Variants in NXN observed in about 807,000 individuals in gnomAD.
NXN encodes the protein nucleoredoxin 1.
Under a neutral mutation model 48.6 loss-of-function variants are expected in NXN, and 16 were observed. The observed-to-expected ratio is 0.33, with a 90% CI of 0.22 to 0.50. The LOEUF is 0.50. Ranked by LOEUF, NXN falls within the 20% of genes least tolerant of loss-of-function variation. NXN has a pLI of 0.98. For missense variants in NXN, 492 were observed against 605.5 expected, an observed-to-expected ratio of 0.81 and a Z score of 1.97; for synonymous variants, 281 against 269.6, an observed-to-expected ratio of 1.04 and a Z score of -0.41.
chr17:918,460 T>C (rs1438441794), intron 1 of NXN, among the ~76,000 whole-genome samples: 2 of 152,116 alleles, frequency 1.3e-5, no homozygotes, highest in African/African-American at 4.8e-5. Context: ...ATCACTCACT[T>C]TCATTCCAGC....
At chr17:814,913 C>A (rs1360246181) in intron 5 of NXN, among the ~76,000 whole-genome samples, 1 of 152,134 alleles carries the variant, frequency 6.6e-6, no homozygotes, top group Non-Finnish European at 1.5e-5. Context: ...TTATAGGTGA[C>A]CACCACCACG....
Position 932,939 on chromosome 17 carries a change from C to CGCCCAGCCCAGCCCA in NXN, c.360+46379_360+46380insTGGGCTGGGCTGGGC, listed in dbSNP as rs113772047. 6.6e-6 allele frequency among the ~76,000 whole-genome samples: 1 copy of CGCCCAGCCCAGCCCA among 151,782 alleles called. No individual in the cohort carries two copies. Among genetic ancestry groups the CGCCCAGCCCAGCCCA allele is most frequent in the East Asian group, 1.9e-4 (1 of 5,138 alleles). On this transcript the variant is annotated intron_variant, in intron 1 of 7. Coordinates refer to ENST00000336868, the MANE Select transcript of NXN (RefSeq NM_022463.5). This position sits in a 1 kb window ranked among gnomAD's most constrained non-coding sequence, Gnocchi z 4.1. The stretch of plus-strand genomic sequence containing the variant: ...CTGGGATTCCAGGCGTGAGCCACCG[C>CGCCCAGCCCAGCCCA]GCCCAGCCCAGCCCGTCCTCTTGAA...
chr17:922,612 G>A (rs1040915821), intron 1 of NXN, among the ~76,000 whole-genome samples: 7 of 152,174 alleles, frequency 4.6e-5, no homozygotes, highest in South Asian at 2.1e-4. Flanking sequence ...CCAGAGAGAC[G>A]TCAGAAGGTG....
intron 5 of NXN, among the ~76,000 whole-genome samples, chr17:812,147 T>G (rs1912083012): frequency 1.3e-5 from 2 of 150,984 alleles, no homozygotes; most frequent in South Asian, 4.2e-4. Context: ...CAGGACGGTC[T>G]CGATCTCCTG....
At chr17:810,207 C>T (rs76767350) in intron 5 of NXN, among the ~76,000 whole-genome samples, 11 of 89,524 alleles carry the variant, frequency 1.2e-4, no homozygotes, top group East Asian at 8.3e-4. Context: ...CTGTGAGTGG[C>T]GTGCACGTTA....
At chr17:916,196 G>C (rs908049932) in intron 1 of NXN, among the ~76,000 whole-genome samples, 2 of 152,246 alleles carry the variant, frequency 1.3e-5, no homozygotes, top group Admixed American at 6.5e-5. Context: ...GTCGGCAACA[G>C]AAATGGAGGC....
At chr17:936,900 T>C (rs1468622046) in intron 1 of NXN, among the ~76,000 whole-genome samples, 1 of 151,690 alleles carries the variant, frequency 6.6e-6, no homozygotes, top group East Asian at 1.9e-4. Context: ...ACAACACCTA[T>C]GGATAGAAAA....
At position 920,796 on chromosome 17, in the gene NXN, C is replaced by T. The variant is rs2068742840; in HGVS notation, c.360+58523G>A. 6.6e-6 allele frequency among the ~76,000 whole-genome samples: 1 copy of T among 150,414 alleles called. No homozygotes were observed. The highest frequency in any genetic ancestry group is 2.5e-5 in the African/African-American group (1 of 40,738). On this transcript the variant is annotated intron_variant, in intron 1 of 7. Transcript: ENST00000336868. The surrounding 1 kb of genome is among the most constrained non-coding windows in gnomAD (Gnocchi z 4.6). ...GGAGTGCAGTGGTGGGATCTCGGCT[C>T]GCTGCAACCTCTGCCTCCCGGGTTC...
chr17:968,141 T>A, intron 1 of NXN, among the ~76,000 whole-genome samples: 1 of 137,106 alleles, frequency 7.3e-6, no homozygotes, highest in East Asian at 2.1e-4. Context: ...GGGACTATCT[T>A]CAAGATCATT....
rs140258708 is a variant in NXN, at chr17:825,822, C to T, written c.478+139G>A. 152 of 628,116 alleles carry T rather than the reference C, an allele frequency of 2.4e-4. No homozygotes were observed. In the East Asian group the frequency reaches 2.6e-3, roughly 11 times the overall value. 38.9% of individuals were successfully genotyped at this position (628,116 alleles called of 1,614,324 possible). A position where few individuals can be genotyped will look rare whatever the true frequency, so the allele number is the denominator to read the frequency against. ...AGGGAATACTATGATTTCACCAAGA[C>T]GACATTCTCTACCACGTAAACCCAC... is the stretch of plus-strand genomic sequence containing the variant. On this transcript the variant is annotated intron_variant, in intron 2 of 7. Transcript: ENST00000336868. This position sits in a 1 kb window ranked among gnomAD's most constrained non-coding sequence, Gnocchi z 4.1.
intron 1 of NXN, chr17:896,832 TA>T: frequency 4.2e-6 from 5 of 1,179,056 alleles, no homozygotes; most frequent in African/African-American, 1.6e-5. Flanking sequence ...TCGAAGATGC[TA>T]AAATGGACCA....
At chr17:865,486 C>G (rs1197502074) in intron 1 of NXN, among the ~76,000 whole-genome samples, 2 of 151,604 alleles carry the variant, frequency 1.3e-5, no homozygotes, top group Admixed American at 1.3e-4. Context: ...AGGTGATCCG[C>G]CCACCTCGGC....
At chr17:927,951 A>G (rs1022261723) in intron 1 of NXN, among the ~76,000 whole-genome samples, 30 of 151,970 alleles carry the variant, frequency 2.0e-4, no homozygotes, top group Non-Finnish European at 7.4e-5. Context: ...AACCTCTCTG[A>G]GAATCTGGGC....
intron 1 of NXN, among the ~76,000 whole-genome samples, chr17:844,230 G>T (rs937448515): frequency 2.0e-5 from 3 of 147,108 alleles, no homozygotes; most frequent in African/African-American, 7.6e-5. Flanking sequence ...TAACTGGAAG[G>T]TGGGAGACCA....
intron 1 of NXN, among the ~76,000 whole-genome samples, chr17:918,221 C>T (rs1567862171): frequency 6.6e-6 from 1 of 152,186 alleles, no homozygotes; most frequent in Non-Finnish European, 1.5e-5. Flanking sequence ...CTGTGCTGGG[C>T]CTGGCCGTTG....
chr17:827,483 C>A (rs571503631), intron 1 of NXN, among the ~76,000 whole-genome samples: 14 of 152,064 alleles, frequency 9.2e-5, no homozygotes, highest in African/African-American at 3.4e-4. Flanking sequence ...ATTAGCCGGG[C>A]GTGGTGGCGG....
In NXN at chr17:838,321, G is replaced by A. The variant is rs79003533; in HGVS notation, c.361-12243C>T. ...TCATTTTCGTATTTTTAGTTGAGAC[G>A]GGGTCTCACCATCTTGGCCAGGCTG... On this transcript the variant is annotated intron_variant, in intron 1 of 7. Coordinates refer to ENST00000336868, the MANE Select transcript of NXN (RefSeq NM_022463.5). Among the ~76,000 whole-genome samples the A allele has an allele frequency of 9.1e-4, 138 of 151,762 alleles. 4 individuals carry two copies. In the East Asian group the frequency reaches 0.017, roughly 19 times the overall value.
rs1913067352 is a variant in NXN at position 825,775 on chromosome 17, GA to G, written c.478+185del. ...CTAGGAGGGACATTCTGATCCCTGT[GA>G]AAATCTTAAAACCATGTCCTAGGGA... On this transcript the variant is annotated intron_variant, in intron 2 of 7. Coordinates refer to ENST00000336868, the MANE Select transcript of NXN (RefSeq NM_022463.5). The surrounding 1 kb of genome is among the most constrained non-coding windows in gnomAD (Gnocchi z 4.1). The G allele has an allele frequency of 1.8e-6, 1 of 568,748 alleles. No individual in the cohort carries two copies. Among genetic ancestry groups the G allele is most frequent in the Admixed American group, 3.3e-5 (1 of 30,302 alleles). The allele number at this position is 568,748 out of a possible 1,614,324, so 35.2% of individuals were successfully genotyped here. A position where few individuals can be genotyped will look rare whatever the true frequency, so the allele number is the denominator to read the frequency against.
At chr17:882,656 A>C (rs4347685) in intron 1 of NXN, among the ~76,000 whole-genome samples, 2 of 151,644 alleles carry the variant, frequency 1.3e-5, no homozygotes, top group South Asian at 2.1e-4. Flanking sequence ...TAGTAGAGAC[A>C]GGGTTTCACC....
Sources: allele counts gnomAD v4.1 joint callset (sites outside exome capture counted in the v4.1 genomes callset), GRCh38; gene constraint gnomAD v4.1.1; non-coding constraint Gnocchi (gnomAD v3.1); transcripts MANE v1.5; gene names NCBI Gene and HGNC (gene_info 2026-07-23, HGNC 2026-07-21).